The following SRL variants were observed in gnomAD, a reference collection of about 807,000 sequenced individuals.
SRL encodes sarcalumenin.
A neutral mutation model predicts 39.5 loss-of-function variants in SRL; 23 were observed. The ratio of observed to expected loss-of-function variants is 0.58; its 90% CI spans 0.42 to 0.82. SRL has a LOEUF of 0.82. Among genes scored for constraint, SRL ranks in the 40% least tolerant of loss-of-function variants. SRL has a pLI of 0.00. For missense variants in SRL, 592 were observed against 607.8 expected, an observed-to-expected ratio of 0.97 and a Z score of 0.27; for synonymous variants, 272 against 237.4, an observed-to-expected ratio of 1.15 and a Z score of -1.34.
intron 1 of SRL, among the ~76,000 whole-genome samples, chr16:4,210,117 A>C (rs1239038250): frequency 3.3e-5 from 5 of 152,218 alleles, no homozygotes; most frequent in Non-Finnish European, 7.3e-5. Flanking sequence ...CCGCGGTCAG[A>C]TTGGGGTACC....
chr16:4,190,282 C>T lies in SRL; in HGVS notation c.*1871G>A, dbSNP rs1236217655. On this transcript the variant is annotated 3_prime_UTR_variant, in exon 6 of 6. Transcript: ENST00000399609. ...CTGCCAACTGGCTTACCCTGCCTGACCTCAGAGTGCCTCTCCCTCTGCCTG... is the reference window on the plus strand; with the variant it reads ...CTGCCAACTGGCTTACCCTGCCTGATCTCAGAGTGCCTCTCCCTCTGCCTG... 3 of 398,962 alleles carry T rather than the reference C, an allele frequency of 7.5e-6. No homozygotes were observed. Among genetic ancestry groups the T allele is most frequent in the Non-Finnish European group, 1.3e-5 (3 of 226,420 alleles). 24.7% of individuals were successfully genotyped at this position (398,962 alleles called of 1,614,324 possible). A position where few individuals can be genotyped will look rare whatever the true frequency, so the allele number is the denominator to read the frequency against.
chr16:4,208,982 G>A (rs2052360191), intron 1 of SRL, among the ~76,000 whole-genome samples: 1 of 152,142 alleles, frequency 6.6e-6, no homozygotes, highest in Non-Finnish European at 1.5e-5. Context: ...GGAAAATGGG[G>A]TCAGAAAAGG....
At chr16:4,228,097 C>G (rs1310566594) in intron 1 of SRL, among the ~76,000 whole-genome samples, 2 of 152,224 alleles carry the variant, frequency 1.3e-5, no homozygotes, top group Admixed American at 1.3e-4. Flanking sequence ...AGGAGGGCAG[C>G]CTGGGATTCC....
intron 1 of SRL, among the ~76,000 whole-genome samples, chr16:4,229,851 C>T (rs542015150): frequency 6.6e-6 from 1 of 152,246 alleles, no homozygotes; most frequent in African/African-American, 2.4e-5. Context: ...CATCCTGCAC[C>T]ATCTCCTGCT....
At chr16:4,221,249 A>T (rs1337977240) in intron 1 of SRL, among the ~76,000 whole-genome samples, 2 of 152,060 alleles carry the variant, frequency 1.3e-5, no homozygotes, top group Non-Finnish European at 2.9e-5. Context: ...GGGTTTCACC[A>T]TGTTAGCCAG....
In SRL at chr16:4,189,454, C is replaced by T. The variant is rs946409730; in HGVS notation, c.*2699G>A. 2 of 152,170 alleles carry T rather than the reference C, an allele frequency of 1.3e-5. No homozygotes were observed. Among genetic ancestry groups the T allele is most frequent in the African/African-American group, 4.8e-5 (2 of 41,420 alleles). 9.4% of individuals were successfully genotyped at this position (152,170 alleles called of 1,614,324 possible). On this transcript the variant is annotated 3_prime_UTR_variant, in exon 6 of 6. Coordinates refer to ENST00000399609, the MANE Select transcript of SRL (RefSeq NM_001098814.2). ...TGGAAAGGTTCTGCCACTGTCCAGG[C>T]ACAGATCCTTCCAGACACTCCTCTT...
intron 1 of SRL, among the ~76,000 whole-genome samples, chr16:4,226,504 A>AGGAT (rs966729249): frequency 2.0e-5 from 3 of 150,744 alleles, no homozygotes; most frequent in African/African-American, 7.3e-5. Context: ...GGTGAGTGGA[A>AGGAT]GGATGGATGG....
intron 1 of SRL, among the ~76,000 whole-genome samples, chr16:4,222,578 T>G (rs1191750500): frequency 6.6e-6 from 1 of 152,138 alleles, no homozygotes; most frequent in Non-Finnish European, 1.5e-5. Context: ...CCGGCTTTTT[T>G]GTTTTTTTCT....
chr16:4,207,537 GC>G (rs1287101512), intron 1 of SRL: 1 of 456,092 alleles, frequency 2.2e-6, no homozygotes, highest in South Asian at 1.6e-5. Flanking sequence ...GTGAGGAGAG[GC>G]CCCCTCTGCC....
intron 3 of SRL, 38 bp downstream of exon 3, chr16:4,203,128 C>A (rs1555454303): frequency 6.3e-7 from 1 of 1,585,320 alleles, no homozygotes; most frequent in South Asian, 1.1e-5. Context: ...TGCGCCGTAC[C>A]CGTAATCTCA....
intron 1 of SRL, among the ~76,000 whole-genome samples, chr16:4,208,445 C>T (rs1178445761): frequency 2.0e-5 from 3 of 152,140 alleles, no homozygotes; most frequent in Non-Finnish European, 4.4e-5. Context: ...GTCCTGATGA[C>T]TGTATATGGA....
At chr16:4,222,851 TGG>T (rs2052545223) in intron 1 of SRL, among the ~76,000 whole-genome samples, 1 of 152,104 alleles carries the variant, frequency 6.6e-6, no homozygotes, top group Admixed American at 6.5e-5. Context: ...CCCAGCACTT[TGG>T]GAAGCTGAGG....
chr16:4,195,287 C>T (rs1032537128), intron 5 of SRL, among the ~76,000 whole-genome samples: 1 of 152,256 alleles, frequency 6.6e-6, no homozygotes, highest in Admixed American at 6.5e-5. Context: ...GCCTCAACTT[C>T]CTCAGCTCAA....
chr16:4,193,019 G>C (rs72764668), intron 5 of SRL, 55 bp from the exon 6 acceptor site: 2 of 1,478,288 alleles, frequency 1.4e-6, no homozygotes, highest in African/African-American at 2.8e-5. Context: ...CAAAGCCCGC[G>C]CACCTCCTTT....
At chr16:4,194,403 T>G (rs7188899) in intron 5 of SRL, among the ~76,000 whole-genome samples, 83,558 of 152,014 alleles carry the variant, frequency 0.55, 23,569 homozygotes, top group African/African-American at 0.68. Context: ...AAGTCAGACA[T>G]TAGCATTCCC....
chr16:4,219,016 G>A (rs544354975), intron 1 of SRL, among the ~76,000 whole-genome samples: 1 of 152,374 alleles, frequency 6.6e-6, no homozygotes, highest in South Asian at 2.1e-4. Context: ...CCAGGTCCTG[G>A]CATTCATGGC....
At chr16:4,240,419 G>A (rs566284531) in intron 1 of SRL, among the ~76,000 whole-genome samples, 35 of 152,286 alleles carry the variant, frequency 2.3e-4, no homozygotes, top group Admixed American at 9.8e-4. Flanking sequence ...AGTCCACAGT[G>A]GGGCAGAGTC....
intron 1 of SRL, among the ~76,000 whole-genome samples, chr16:4,222,290 T>A (rs1011417241): frequency 1.3e-5 from 2 of 152,222 alleles, no homozygotes; most frequent in Admixed American, 6.5e-5. Context: ...CGGCTTTTTT[T>A]AAAAACAGGG....
chr16:4,203,143 C>G (rs545975431), intron 3 of SRL, 23 bp downstream of exon 3: 1 of 1,604,540 alleles, frequency 6.2e-7, no homozygotes. Context: ...ATCTCAAGCC[C>G]TACCTGTTAT....
Sources: allele counts gnomAD v4.1 joint callset (sites outside exome capture counted in the v4.1 genomes callset), GRCh38; gene constraint gnomAD v4.1.1; transcripts MANE v1.5; gene names NCBI Gene and HGNC (gene_info 2026-07-23, HGNC 2026-07-21).